The following FGF12 variants were observed in gnomAD, a reference collection of about 807,000 sequenced individuals.
FGF12 encodes the protein fibroblast growth factor 12B.
In FGF12, 14 loss-of-function variants were observed where a neutral mutation model predicts 23.6. That is an observed-to-expected ratio of 0.59 (90% CI 0.39 to 0.93). The LOEUF is 0.93. FGF12 is among the 40% of genes least tolerant of loss of function. FGF12 has a pLI of 0.00. For missense variants in FGF12, 175 were observed against 217.8 expected, an observed-to-expected ratio of 0.80 and a Z score of 1.24; for synonymous variants, 62 against 77.3, an observed-to-expected ratio of 0.80 and a Z score of 1.04.
intron 4 of FGF12, among the ~76,000 whole-genome samples, chr3:192,199,431 T>G (rs776925149): frequency 2.0e-5 from 3 of 152,168 alleles, no homozygotes; most frequent in Non-Finnish European, 4.4e-5. Context: ...CTTACTTTCT[T>G]GAGAGGGAAG....
In FGF12 at chr3:192,408,054, C is replaced by A. The variant is rs772581405; in HGVS notation, c.14-47516G>T. On this transcript the variant is annotated intron_variant, in intron 2 of 5. Coordinates refer to ENST00000445105, the MANE Select transcript of FGF12 (RefSeq NM_004113.6). The surrounding 1 kb of genome is among the most constrained non-coding windows in gnomAD (Gnocchi z 7.3). ...TCTCCGCCTCACCGGCCTCTTGCGG[C>A]CGCTGCAGAAGCGCACTTTGCTGAA... The A allele has an allele frequency of 6.2e-7, 1 of 1,612,152 alleles. No homozygotes were observed. The highest frequency in any genetic ancestry group is 1.1e-5 in the South Asian group (1 of 90,968).
intron 2 of FGF12, among the ~76,000 whole-genome samples, chr3:192,711,123 G>A (rs774915829): frequency 6.6e-6 from 1 of 152,130 alleles, no homozygotes; most frequent in African/African-American, 2.4e-5. Context: ...AAATATCTTC[G>A]GGAAATCTCT....
chr3:192,546,931 G>C (rs752198680), intron 2 of FGF12, among the ~76,000 whole-genome samples: 2 of 152,142 alleles, frequency 1.3e-5, no homozygotes, highest in Non-Finnish European at 2.9e-5. Flanking sequence ...CACACCTGTA[G>C]TCCTAGCTAC....
rs893150429 is a variant in FGF12 at position 192,576,033 on chromosome 3, A to C, written c.13+151148T>G. Among the ~76,000 whole-genome samples the C allele has an allele frequency of 2.6e-5, 4 of 152,344 alleles. No individual in the cohort carries two copies. In the East Asian group the frequency reaches 7.7e-4, roughly 29 times the overall value. ...TCACCATCCAAATAACCTTTGTTTT[A>C]AATCATCAGATAAATCAGGTCACTG... On this transcript the variant is annotated intron_variant, in intron 2 of 5. Coordinates refer to ENST00000445105, the MANE Select transcript of FGF12 (RefSeq NM_004113.6).
chr3:192,460,064 T>C (rs1327414693), intron 2 of FGF12, among the ~76,000 whole-genome samples: 2 of 152,010 alleles, frequency 1.3e-5, no homozygotes, highest in Non-Finnish European at 2.9e-5. Context: ...ATAATGCAAA[T>C]ACTTACAAAG....
intron 2 of FGF12, among the ~76,000 whole-genome samples, chr3:192,623,945 C>T (rs553014338): frequency 3.3e-5 from 5 of 152,008 alleles, no homozygotes; most frequent in African/African-American, 4.8e-5. Context: ...AAAACATGCT[C>T]GACTGTATAA....
At chr3:192,544,647 T>C (rs778914118) in intron 2 of FGF12, among the ~76,000 whole-genome samples, 7 of 152,224 alleles carry the variant, frequency 4.6e-5, no homozygotes, top group African/African-American at 1.7e-4. Context: ...TACAACACTT[T>C]AAATTTTACA....
chr3:192,413,323 C>T (rs1721253623), intron 2 of FGF12, among the ~76,000 whole-genome samples: 1 of 152,188 alleles, frequency 6.6e-6, no homozygotes. Flanking sequence ...AACAAGCTTC[C>T]AGTTCATGAC....
chr3:192,317,034 C>G (rs1256573448), intron 4 of FGF12, among the ~76,000 whole-genome samples: 1 of 152,096 alleles, frequency 6.6e-6, no homozygotes, highest in Non-Finnish European at 1.5e-5. Context: ...CCAGTTCTGG[C>G]AGGATCCATC....
intron 2 of FGF12, among the ~76,000 whole-genome samples, chr3:192,374,128 G>T (rs1212615323): frequency 6.6e-6 from 1 of 152,176 alleles, no homozygotes; most frequent in African/African-American, 2.4e-5. Context: ...GTTGCATTTT[G>T]TTTAGGTGTT....
rs1332927276 is a variant in FGF12 at position 192,140,367 on chromosome 3, A to G, written c.*3642T>C. 6.6e-6 allele frequency: 1 copy of G among 152,046 alleles called. No individual in the cohort carries two copies. Among genetic ancestry groups the G allele is most frequent in the East Asian group, 1.9e-4 (1 of 5,188 alleles). The allele number at this position is 152,046 out of a possible 1,614,324, so 9.4% of individuals were successfully genotyped here. On this transcript the variant is annotated 3_prime_UTR_variant, in exon 6 of 6. Transcript: ENST00000445105. ...TTGTGTCTCATCTTGTGCAGATGAA[A>G]TTAAGCAATATCATGGAAAACCTTC... is the stretch of plus-strand genomic sequence containing the variant.
chr3:192,269,962 C>A (rs558725632), intron 4 of FGF12, among the ~76,000 whole-genome samples: 2 of 152,200 alleles, frequency 1.3e-5, no homozygotes, highest in East Asian at 3.9e-4. Context: ...GACATCCATT[C>A]AGGTTAGTGG....
At chr3:192,637,849 C>T (rs1715641571) in intron 2 of FGF12, among the ~76,000 whole-genome samples, 1 of 152,118 alleles carries the variant, frequency 6.6e-6, no homozygotes, top group Admixed American at 6.5e-5. Flanking sequence ...TGTTCTAAGC[C>T]TTAAATTCCA....
At chr3:192,680,780 G>A (rs1160565302) in intron 2 of FGF12, among the ~76,000 whole-genome samples, 1 of 152,146 alleles carries the variant, frequency 6.6e-6, no homozygotes, top group Admixed American at 6.5e-5. Context: ...GTATATTCTT[G>A]CATTCATTCA....
chr3:192,399,942 G>A (rs568813118), intron 2 of FGF12, among the ~76,000 whole-genome samples: 1 of 152,310 alleles, frequency 6.6e-6, no homozygotes, highest in African/African-American at 2.4e-5. Flanking sequence ...GTGAGGAGTG[G>A]TGGTTACAAG....
rs949865633 is a variant in FGF12, at chr3:192,336,169, C to T, written c.125-705G>A. Among the ~76,000 whole-genome samples the T allele has an allele frequency of 2.0e-5, 3 of 148,186 alleles. No homozygotes were observed. The highest frequency in any genetic ancestry group is 7.5e-5 in the African/African-American group (3 of 40,086). On this transcript the variant is annotated intron_variant, in intron 3 of 5. Transcript: ENST00000445105. This position sits in a 1 kb window ranked among gnomAD's most constrained non-coding sequence, Gnocchi z 4.3. Reference sequence around the variant, plus strand: ...CACATATATACATACTATATATATACAAATATATATACACATATATATATG... The same window carrying T: ...CACATATATACATACTATATATATATAAATATATATACACATATATATATG...
chr3:192,333,940 G>A (rs150198184), intron 4 of FGF12, among the ~76,000 whole-genome samples: 1 of 152,044 alleles, frequency 6.6e-6, no homozygotes, highest in Non-Finnish European at 1.5e-5. Context: ...AATGATTTTG[G>A]GGGGGAGTTC....
At position 192,183,483 on chromosome 3, in the gene FGF12, T is replaced by C. The variant is rs559782300; in HGVS notation, c.229-12827A>G. Reference sequence around the variant, plus strand: ...TTGCTGTGATGGTGTGTCCTCAGAATGAGAATGCAAAGTAAACACCTGCAC... The same window carrying C: ...TTGCTGTGATGGTGTGTCCTCAGAACGAGAATGCAAAGTAAACACCTGCAC... On this transcript the variant is annotated intron_variant, in intron 4 of 5. Transcript: ENST00000445105. Among the ~76,000 whole-genome samples the C allele has an allele frequency of 7.2e-5, 11 of 152,278 alleles. No homozygotes were observed. The South Asian group carries it at 2.1e-3, about 29-fold the overall frequency.
chr3:192,325,249 G>A (rs549881840), intron 4 of FGF12, among the ~76,000 whole-genome samples: 1 of 151,998 alleles, frequency 6.6e-6, no homozygotes, highest in South Asian at 2.1e-4. Context: ...AAAAGAAATA[G>A]GCAAAATAGA....
Sources: gnomAD v4.1 joint callset for allele counts (sites outside exome capture counted in the v4.1 genomes callset) on GRCh38, gnomAD v4.1.1 for gene constraint, Gnocchi (gnomAD v3.1) non-coding constraint, MANE v1.5 for transcripts, NCBI Gene and HGNC (gene_info 2026-07-23, HGNC 2026-07-21) for gene names.